PLA2R1: variants seen among roughly 807,000 people sequenced by gnomAD.
The protein encoded by PLA2R1 is secretory phospholipase A2 receptor.
A neutral mutation model predicts 195.9 loss-of-function variants in PLA2R1; 158 were observed. The ratio of observed to expected loss-of-function variants is 0.81; its 90% confidence interval spans 0.71 to 0.92. PLA2R1 has a LOEUF of 0.92. Among genes scored for constraint, PLA2R1 ranks in the 40% least tolerant of loss-of-function variants. The pLI, the probability that PLA2R1 is intolerant of heterozygous loss-of-function variation, is 0.00. For synonymous variants in PLA2R1, 586 were observed against 598.2 expected, an observed-to-expected ratio of 0.98 and a Z score of 0.30; for missense variants, 1,626 against 1,764.6, an observed-to-expected ratio of 0.92 and a Z score of 1.41.
intron 4 of PLA2R1, among the ~76,000 whole-genome samples, chr2:160,032,630 T>G (rs1001622730): frequency 1.2e-4 from 18 of 152,230 alleles, no homozygotes; most frequent in Admixed American, 1.2e-3. Context: ...GGAAATGGAA[T>G]GGCTAAGATC....
chr2:160,053,975 C>CA (rs1559023936), intron 1 of PLA2R1, among the ~76,000 whole-genome samples: 1 of 152,246 alleles, frequency 6.6e-6, no homozygotes, highest in Non-Finnish European at 1.5e-5. Flanking sequence ...GGGCCCTGTG[C>CA]AACTGCACTG....
At chr2:160,052,931 A>G (rs1156780384) in intron 1 of PLA2R1, among the ~76,000 whole-genome samples, 2 of 151,684 alleles carry the variant, frequency 1.3e-5, no homozygotes, top group Non-Finnish European at 3.0e-5. Flanking sequence ...AAACAAACAA[A>G]AAAACAAACA....
At chr2:159,991,203 C>A (rs1690765044) in intron 11 of PLA2R1, among the ~76,000 whole-genome samples, 1 of 152,174 alleles carries the variant, frequency 6.6e-6, no homozygotes, top group Non-Finnish European at 1.5e-5. Flanking sequence ...CTGTTTCTCT[C>A]CTGTGTGTGG....
At chr2:160,032,931 T>C in intron 4 of PLA2R1, 28 bp downstream of exon 4, 2 of 1,461,124 alleles carry the variant, frequency 1.4e-6, no homozygotes, top group Non-Finnish European at 1.9e-6. Flanking sequence ...ATTGTATCAA[T>C]ATCAATGTGC....
At chr2:160,016,476 G>GGT in intron 9 of PLA2R1, 138 bp downstream of exon 9, 2 of 583,824 alleles carry the variant, frequency 3.4e-6, no homozygotes, top group South Asian at 3.9e-5. Context: ...AAAGAAGGGG[G>GGT]GGGTGCGAGG....
intron 28 of PLA2R1, 54 bp from the exon 29 acceptor site, chr2:159,942,213 T>C: frequency 7.3e-7 from 1 of 1,364,334 alleles, no homozygotes; most frequent in Non-Finnish European, 1.0e-6. Context: ...TCAGCAAAAA[T>C]ATGTCATTAC....
intron 11 of PLA2R1, among the ~76,000 whole-genome samples, chr2:160,004,668 A>T (rs1411220701): frequency 6.6e-6 from 1 of 152,208 alleles, no homozygotes; most frequent in Non-Finnish European, 1.5e-5. Flanking sequence ...CACAGCCCTG[A>T]TGGAGATACA....
chr2:159,981,020 C>T (rs897052605), intron 13 of PLA2R1, among the ~76,000 whole-genome samples: 1 of 152,140 alleles, frequency 6.6e-6, no homozygotes, highest in African/African-American at 2.4e-5. Context: ...AAGCCAAGCA[C>T]ATTAATCTCG....
chr2:160,008,791 T>C (rs1023723616), intron 10 of PLA2R1, among the ~76,000 whole-genome samples: 26 of 152,288 alleles, frequency 1.7e-4, no homozygotes, highest in African/African-American at 6.3e-4. Context: ...TATTTGCAAG[T>C]TGTACATCAG....
chr2:159,983,123 T>A (rs966688946), intron 13 of PLA2R1, among the ~76,000 whole-genome samples: 1 of 152,172 alleles, frequency 6.6e-6, no homozygotes, highest in Non-Finnish European at 1.5e-5. Flanking sequence ...TTGATCTGTA[T>A]TTGCTCTAGC....
chr2:160,005,525 G>T, intron 11 of PLA2R1, 127 bp downstream of exon 11: 1 of 672,238 alleles, frequency 1.5e-6, no homozygotes. Context: ...AACCTGTGTT[G>T]ATCCTTGTAA....
intron 20 of PLA2R1, among the ~76,000 whole-genome samples, chr2:159,961,307 C>T (rs554347548): frequency 1.3e-5 from 2 of 152,238 alleles, no homozygotes; most frequent in African/African-American, 4.8e-5. Flanking sequence ...TCAAATGCTC[C>T]TAATGCCTTG....
At chr2:159,945,631 C>T (rs1008842954) in intron 27 of PLA2R1, among the ~76,000 whole-genome samples, 1 of 152,152 alleles carries the variant, frequency 6.6e-6, no homozygotes, top group Admixed American at 6.5e-5. Context: ...CAAGTCTTTG[C>T]TATTGTGAAT....
At chr2:160,026,911 A>G (rs771076659) in intron 6 of PLA2R1, among the ~76,000 whole-genome samples, 7 of 152,158 alleles carry the variant, frequency 4.6e-5, no homozygotes, top group Non-Finnish European at 8.8e-5. Context: ...AGGTGGGCGG[A>G]CTGCCTCAGG....
rs1688105047 is a variant in PLA2R1 at position 159,956,604 on chromosome 2, T to C, written c.2928A>G (p.Lys976=). 1.2e-6 allele frequency: 2 copies of C among 1,610,136 alleles called. No homozygotes were observed. Among genetic ancestry groups the C allele is most frequent in the South Asian group, 1.1e-5 (1 of 90,968 alleles). ...TCCAGTTCTTCCAACTGCTTGGGTC[T>C]TTGGGGATATTCAGCAGAAGGCACT... The part of the protein sequence containing the change: ...NYKCLLLNIP[K]DPSSWKNWTH... The change falls in exon 21 of 30, where the codon AAA becomes AAG. Residue 976 remains lysine (K), a synonymous_variant. Coordinates refer to ENST00000283243, the MANE Select transcript of PLA2R1 (RefSeq NM_007366.5).
intron 11 of PLA2R1, among the ~76,000 whole-genome samples, chr2:159,989,050 AAAATGTCCAG>A (rs1367098706): frequency 6.6e-6 from 1 of 152,192 alleles, no homozygotes; most frequent in Non-Finnish European, 1.5e-5. Flanking sequence ...CTCAAAGGTA[AAAATGTCCAG>A]TGGTAAAAGA....
intron 3 of PLA2R1, among the ~76,000 whole-genome samples, chr2:160,041,089 T>C (rs1694492945): frequency 1.3e-5 from 2 of 152,234 alleles, no homozygotes; most frequent in Non-Finnish European, 2.9e-5. Context: ...AAGCTTATAC[T>C]CTTTCTTATT....
Position 159,945,043 on chromosome 2 carries a change from T to G in PLA2R1, c.4007A>C (p.Gln1336Pro). The part of the protein sequence containing the change: ...IKWFDGTPTD[Q>P]SNWGIRKPDT... ...TGGCTTCCGAATGCCCCAGTTTGAC[T>G]GGTCTGTGGGAGTTCCATCAAACCA... The change falls in exon 28 of 30, where the codon CAG (glutamine) becomes CCG (proline). Residue 1336 changes from glutamine to proline, a missense_variant. Gln to Pro is a moderately conservative substitution (Grantham distance 76, BLOSUM62 -1). Transcript: ENST00000283243. 6.2e-7 allele frequency: 1 copy of G among 1,613,812 alleles called. No individual in the cohort carries two copies. The highest frequency in any genetic ancestry group is 8.5e-7 in the Non-Finnish European group (1 of 1,179,804).
intron 11 of PLA2R1, among the ~76,000 whole-genome samples, chr2:159,990,993 G>C (rs1392021277): frequency 1.3e-5 from 2 of 152,218 alleles, no homozygotes; most frequent in African/African-American, 2.4e-5. Flanking sequence ...TTAGGGCACA[G>C]AGGCTTAGTA....
Sources: gnomAD v4.1 joint callset for allele counts (sites outside exome capture counted in the v4.1 genomes callset) on GRCh38, gnomAD v4.1.1 for gene constraint, MANE v1.5 for transcripts, NCBI Gene and HGNC (gene_info 2026-07-23, HGNC 2026-07-21) for gene names.